Variants in CATSPERT observed in about 807,000 individuals in gnomAD.
CATSPERT encodes catsper channel auxiliary subunit tau.
the CATSPERT span, among the ~76,000 whole-genome samples, chr2:201,608,347 C>T: frequency 1.3e-5 from 2 of 152,144 alleles, no homozygotes; most frequent in Non-Finnish European, 2.9e-5. Context: ...CCAAAAAACT[C>T]AGTCACCATG....
At chr2:201,605,590 T>TA in the CATSPERT span, among the ~76,000 whole-genome samples, 3 of 152,088 alleles carry the variant, frequency 2.0e-5, no homozygotes, top group Non-Finnish European at 4.4e-5. Flanking sequence ...AGAGTACACT[T>TA]AAACTATGGC....
chr2:201,511,798 G>T, the CATSPERT span: 2 of 133,106 alleles, frequency 1.5e-5, no homozygotes, highest in East Asian at 4.9e-4. Flanking sequence ...CCAGAAGTTT[G>T]CCTCAAAATA....
chr2:201,522,735 G>A, the CATSPERT span, among the ~76,000 whole-genome samples: 3 of 152,202 alleles, frequency 2.0e-5, no homozygotes, highest in African/African-American at 4.8e-5. Flanking sequence ...GAGGGTTTAG[G>A]TGCAGGAAAA....
chr2:201,537,450 T>C, the CATSPERT span: 1 of 1,592,106 alleles, frequency 6.3e-7, no homozygotes, highest in Non-Finnish European at 8.6e-7. Flanking sequence ...TTTGCAGTAG[T>C]TTCAGCTTCC....
At chr2:201,544,854 A>G in the CATSPERT span, among the ~76,000 whole-genome samples, 3 of 149,446 alleles carry the variant, frequency 2.0e-5, no homozygotes, top group Admixed American at 1.3e-4. Flanking sequence ...AAAATTAGCC[A>G]GGCATGGTGG....
At chr2:201,490,039 T>C in the CATSPERT span, among the ~76,000 whole-genome samples, 3 of 152,142 alleles carry the variant, frequency 2.0e-5, no homozygotes, top group Non-Finnish European at 4.4e-5. Flanking sequence ...GTACTTTTAG[T>C]AGAGATGGAG....
the CATSPERT span, chr2:201,491,557 T>C: frequency 6.5e-7 from 1 of 1,537,128 alleles, no homozygotes; most frequent in Non-Finnish European, 8.7e-7. Flanking sequence ...CTGACAATAC[T>C]GGTCTTCTAA....
At chr2:201,568,751 T>C in the CATSPERT span, among the ~76,000 whole-genome samples, 18 of 152,244 alleles carry the variant, frequency 1.2e-4, no homozygotes, top group African/African-American at 4.3e-4. Context: ...TTCAGTTTAC[T>C]ACTTTCATAG....
At chr2:201,581,134 A>G in the CATSPERT span, among the ~76,000 whole-genome samples, 1 of 152,012 alleles carries the variant, frequency 6.6e-6, no homozygotes, top group African/African-American at 2.4e-5. Flanking sequence ...AGCCAGGCAC[A>G]GTGGCTCAGG....
chr2:201,599,360 A>T, the CATSPERT span, among the ~76,000 whole-genome samples: 1 of 150,968 alleles, frequency 6.6e-6, no homozygotes, highest in Non-Finnish European at 1.5e-5. Context: ...TTATTCATTG[A>T]TTTTTTTTTA....
At chr2:201,515,234 T>TAG in the CATSPERT span, among the ~76,000 whole-genome samples, 210 of 82,408 alleles carry the variant, frequency 2.5e-3, 26 homozygotes, top group African/African-American at 0.013. Flanking sequence ...TTTTTTTTTT[T>TAG]TTTTTTTTTT....
At chr2:201,547,776 T>C in the CATSPERT span, among the ~76,000 whole-genome samples, 2 of 152,080 alleles carry the variant, frequency 1.3e-5, no homozygotes, top group Non-Finnish European at 2.9e-5. Context: ...AGGGAATGAT[T>C]ACAACAAAAA....
the CATSPERT span, chr2:201,547,377 C>A: frequency 9.2e-6 from 5 of 544,434 alleles, no homozygotes; most frequent in South Asian, 1.3e-4. Flanking sequence ...CAGGTAAGTA[C>A]CTGAACCATG....
chr2:201,600,742 GAAT>G, the CATSPERT span, among the ~76,000 whole-genome samples: 28 of 126,514 alleles, frequency 2.2e-4, no homozygotes, highest in Non-Finnish European at 3.5e-4. Flanking sequence ...CAGCTGTATG[GAAT>G]AATGTCATTC....
the CATSPERT span, chr2:201,511,900 G>A: frequency 1.5e-5 from 2 of 129,612 alleles, no homozygotes; most frequent in Admixed American, 1.6e-4. Flanking sequence ...AAACAACTCC[G>A]AAGATTGTTT....
chr2:201,493,598 C>T, the CATSPERT span: 1 of 1,537,066 alleles, frequency 6.5e-7, no homozygotes, highest in Admixed American at 2.0e-5. Flanking sequence ...TCTATTTCAT[C>T]AGCATTTTCT....
chr2:201,599,185 C>A, the CATSPERT span, among the ~76,000 whole-genome samples: 3 of 152,134 alleles, frequency 2.0e-5, no homozygotes, highest in Admixed American at 6.5e-5. Context: ...GACAGTACCT[C>A]TCCACGTTTT....
chr2:201,548,345 T>C, the CATSPERT span, among the ~76,000 whole-genome samples: 1 of 152,140 alleles, frequency 6.6e-6, no homozygotes, highest in Non-Finnish European at 1.5e-5. Context: ...AGATGAATCT[T>C]GTGTCTCTTT....
the CATSPERT span, among the ~76,000 whole-genome samples, chr2:201,505,430 C>G: frequency 6.6e-6 from 1 of 152,166 alleles, no homozygotes; most frequent in African/African-American, 2.4e-5. Flanking sequence ...GCCTTTTTCC[C>G]TAGTGTCATC....
Sources: gnomAD v4.1 joint callset for allele counts (sites outside exome capture counted in the v4.1 genomes callset) on GRCh38, gnomAD v4.1.1 for gene constraint, MANE v1.5 for transcripts, NCBI Gene and HGNC (gene_info 2026-07-23, HGNC 2026-07-21) for gene names.